Variants in SEPTIN9 observed in about 807,000 individuals in gnomAD.
SEPTIN9 encodes the protein septin-9.
In SEPTIN9, 13 loss-of-function variants were observed where a neutral mutation model predicts 56.6. The observed-to-expected ratio is 0.23, with a 90% CI of 0.15 to 0.37. The LOEUF (loss-of-function observed/expected upper bound fraction) is 0.37. Among genes scored for constraint, SEPTIN9 ranks in the 10% least tolerant of loss-of-function variants. SEPTIN9 has a pLI of 1.00. For missense variants in SEPTIN9, 650 were observed against 823.1 expected (o/e 0.79, Z 2.57); for synonymous variants, 332 against 334.1 (o/e 0.99, Z 0.07).
At chr17:77,304,158 G>A (rs2032171064) in intron 1 of SEPTIN9, among the ~76,000 whole-genome samples, 1 of 152,324 alleles carries the variant, frequency 6.6e-6, no homozygotes, top group African/African-American at 2.4e-5. Context: ...AACTGGAGCC[G>A]CTCGTGGCCA....
chr17:77,345,783 A>G (rs1568005311), intron 2 of SEPTIN9, among the ~76,000 whole-genome samples: 3 of 152,232 alleles, frequency 2.0e-5, no homozygotes, highest in Admixed American at 1.3e-4. Flanking sequence ...CCCTGTGGAT[A>G]GAGCCTGACA....
At chr17:77,377,328 A>G (rs1598276884) in intron 2 of SEPTIN9, 2 of 150,424 alleles carry the variant, frequency 1.3e-5, no homozygotes, top group Non-Finnish European at 3.0e-5. Flanking sequence ...GGGCTGGCGG[A>G]CGGCATGTGC....
rs1451939841 is a variant in SEPTIN9 at position 77,451,561 on chromosome 17, G to T, written c.722-30583G>T. 1.0e-6 allele frequency: 1 copy of T among 985,228 alleles called. No homozygotes were observed. The highest frequency in any genetic ancestry group is 1.2e-6 in the Non-Finnish European group (1 of 829,734). The allele number at this position is 985,228 out of a possible 1,614,324, so 61.0% of individuals were successfully genotyped here. The stretch of plus-strand genomic sequence containing the variant: ...CTGCTCCTTTGTTCTTCCCAGCCTT[G>T]CACCACTGGCTCGGGGGCTCTCAGG... On this transcript the variant is annotated intron_variant, in intron 3 of 11. Transcript: ENST00000427177. The surrounding 1 kb of genome is among the most constrained non-coding windows in gnomAD (Gnocchi z 4.2).
intron 1 of SEPTIN9, among the ~76,000 whole-genome samples, chr17:77,302,556 T>C (rs535877778): frequency 6.6e-6 from 1 of 152,264 alleles, no homozygotes; most frequent in Admixed American, 6.5e-5. Context: ...TGCATGCTTG[T>C]AATCCCAGCT....
At chr17:77,385,959 T>A (rs1339882553) in intron 2 of SEPTIN9, among the ~76,000 whole-genome samples, 1 of 152,142 alleles carries the variant, frequency 6.6e-6, no homozygotes, top group African/African-American at 2.4e-5. Context: ...GTGGCCCTCG[T>A]GGGGTCATTC....
chr17:77,310,411 CACA>C lies in SEPTIN9; in HGVS notation c.76+3217_76+3219del, dbSNP rs1037652200. 1.7e-4 allele frequency among the ~76,000 whole-genome samples: 26 copies of C among 152,314 alleles called. No homozygotes were observed. The highest frequency in any genetic ancestry group is 3.4e-3 in the Middle Eastern group (1 of 294). ...AGTCAGTGGCTGCCCTGCCTGTGCC[CACA>C]ACGTGACGGCGTGGAGACTTATCCG... On this transcript the variant is annotated intron_variant, in intron 2 of 11. Coordinates refer to ENST00000427177, the MANE Select transcript of SEPTIN9 (RefSeq NM_001113491.2). This position sits in a 1 kb window ranked among gnomAD's most constrained non-coding sequence, Gnocchi z 4.7.
intron 2 of SEPTIN9, among the ~76,000 whole-genome samples, chr17:77,331,704 G>C (rs1432079476): frequency 6.6e-6 from 1 of 152,234 alleles, no homozygotes; most frequent in Admixed American, 6.5e-5. Context: ...CACTGCGGGC[G>C]AGGGGAAGTG....
intron 2 of SEPTIN9, among the ~76,000 whole-genome samples, chr17:77,390,261 G>A (rs1280188490): frequency 2.0e-5 from 3 of 149,806 alleles, no homozygotes; most frequent in African/African-American, 7.4e-5. Context: ...GCAGGAGAAT[G>A]GCATGAACCC....
rs1383767662 is a variant in SEPTIN9, at chr17:77,317,334, C to A, written c.76+10137C>A. On this transcript the variant is annotated intron_variant, in intron 2 of 11. Transcript: ENST00000427177. The surrounding 1 kb of genome is among the most constrained non-coding windows in gnomAD (Gnocchi z 4.2). ...CCCGTGTGTCCTATTAGGAACTGGC[C>A]TGCACAGCAGGAGGTGAGTGACTGG... 6.6e-6 allele frequency among the ~76,000 whole-genome samples: 1 copy of A among 152,224 alleles called. No individual in the cohort carries two copies. The highest frequency in any genetic ancestry group is 2.4e-5 in the African/African-American group (1 of 41,462).
intron 11 of SEPTIN9, 77 bp downstream of exon 11, chr17:77,497,443 G>A: frequency 1.4e-6 from 2 of 1,409,932 alleles, no homozygotes; most frequent in East Asian, 4.7e-5. Context: ...GGCAGTGGGT[G>A]TGGGGCCGAA....
Position 77,433,284 on chromosome 17 carries a change from GC to G in SEPTIN9, c.721+30585del, listed in dbSNP as rs1468939534. Reference sequence around the variant, plus strand: ...GCCTCCCTTCCTGTGAGCCTAGGGAGCCCCTCCATGCAGCCCCTTCACTGGC... The same window carrying G: ...GCCTCCCTTCCTGTGAGCCTAGGGAGCCCTCCATGCAGCCCCTTCACTGGC... On this transcript the variant is annotated intron_variant, in intron 3 of 11. Transcript: ENST00000427177. This position sits in a 1 kb window ranked among gnomAD's most constrained non-coding sequence, Gnocchi z 6.4. 6.6e-6 allele frequency among the ~76,000 whole-genome samples: 1 copy of G among 152,152 alleles called. No individual in the cohort carries two copies. Among genetic ancestry groups the G allele is most frequent in the Non-Finnish European group, 1.5e-5 (1 of 68,010 alleles).
At chr17:77,287,208 C>G (rs917713397) in intron 1 of SEPTIN9, among the ~76,000 whole-genome samples, 47 of 152,346 alleles carry the variant, frequency 3.1e-4, no homozygotes, top group African/African-American at 1.1e-3. Context: ...TGGTGGGCAG[C>G]CATCGTGATG....
In SEPTIN9 at chr17:77,492,178, T is replaced by C. The variant is rs1261363392; in HGVS notation, c.1381-443T>C. Among the ~76,000 whole-genome samples the C allele has an allele frequency of 6.6e-6, 1 of 152,094 alleles. No individual in the cohort carries two copies. The highest frequency in any genetic ancestry group is 1.5e-5 in the Non-Finnish European group (1 of 68,008). ...TGTGCCTGGGCAGGCGAGCAGCCGC[T>C]CACTGGGATGTTTCTGTTGCACGTA... On this transcript the variant is annotated intron_variant, in intron 8 of 11. Transcript: ENST00000427177. This position sits in a 1 kb window ranked among gnomAD's most constrained non-coding sequence, Gnocchi z 5.4.
rs536008998 is a variant in SEPTIN9 at position 77,347,921 on chromosome 17, C to T, written c.76+40724C>T. On this transcript the variant is annotated intron_variant, in intron 2 of 11. Coordinates refer to ENST00000427177, the MANE Select transcript of SEPTIN9 (RefSeq NM_001113491.2). Reference sequence around the variant, plus strand: ...GTAGGCTAGGCTAAGCTAGAATGTTCGGTAAGTTAGATGTATTAAGTGCAT... The same window carrying T: ...GTAGGCTAGGCTAAGCTAGAATGTTTGGTAAGTTAGATGTATTAAGTGCAT... Among the ~76,000 whole-genome samples, 9 of 152,182 alleles carry T rather than the reference C, an allele frequency of 5.9e-5. No homozygotes were observed. The South Asian group carries it at 6.2e-4, about 11-fold the overall frequency.
chr17:77,318,863 T>G lies in SEPTIN9; in HGVS notation c.76+11666T>G, dbSNP rs1208305653. On this transcript the variant is annotated intron_variant, in intron 2 of 11. Transcript: ENST00000427177. The surrounding 1 kb of genome is among the most constrained non-coding windows in gnomAD (Gnocchi z 4.9). ...TCACCTGGCTCTGTGGGGCAGGGAT[T>G]GTAAACTCAGAGGCCTGCGGGGTGT... 6.6e-6 allele frequency among the ~76,000 whole-genome samples: 1 copy of G among 152,116 alleles called. No individual in the cohort carries two copies. Among genetic ancestry groups the G allele is most frequent in the Non-Finnish European group, 1.5e-5 (1 of 68,014 alleles).
At chr17:77,320,429 A>G in intron 2 of SEPTIN9, 1 of 1,236,288 alleles carries the variant, frequency 8.1e-7, no homozygotes, top group Non-Finnish European at 1.2e-6. Context: ...GGGAATAAGC[A>G]TGCAAAGGGC....
intron 2 of SEPTIN9, among the ~76,000 whole-genome samples, chr17:77,316,362 C>G: frequency 6.6e-6 from 1 of 152,218 alleles, no homozygotes; most frequent in African/African-American, 2.4e-5. Flanking sequence ...GCCAGGTTTT[C>G]CATTTCAAGT....
intron 2 of SEPTIN9, among the ~76,000 whole-genome samples, chr17:77,308,577 T>C (rs1598498414): frequency 1.3e-5 from 2 of 152,242 alleles, no homozygotes; most frequent in East Asian, 3.8e-4. Context: ...TTTACTTGCA[T>C]AGAATTATTT....
chr17:77,466,706 C>G, intron 3 of SEPTIN9: 1 of 356,138 alleles, frequency 2.8e-6, no homozygotes, highest in Non-Finnish European at 3.9e-6. Context: ...CAGCTAACAT[C>G]ACAGCGTTCA....
Sources: allele counts gnomAD v4.1 joint callset (sites outside exome capture counted in the v4.1 genomes callset), GRCh38; gene constraint gnomAD v4.1.1; non-coding constraint Gnocchi (gnomAD v3.1); transcripts MANE v1.5; gene names NCBI Gene and HGNC (gene_info 2026-07-23, HGNC 2026-07-21).